Variants in COL16A1 observed in about 807,000 individuals in gnomAD.
The protein encoded by COL16A1 is collagen alpha-1(XVI) chain.
In COL16A1, 189 loss-of-function variants were observed where a neutral mutation model predicts 266.3. That is an observed-to-expected ratio of 0.71 (90% CI 0.63 to 0.80). The LOEUF is 0.80. Among genes scored for constraint, COL16A1 ranks in the 30% least tolerant of loss-of-function variants. The pLI is 0.00. For missense variants in COL16A1, 1,928 were observed against 2,122.4 expected (o/e 0.91, Z 1.80); for synonymous variants, 740 against 782.3 (o/e 0.95, Z 0.90).
rs2148678059 is a variant in COL16A1, at chr1:31,664,352, G to A, written c.3555+820C>T. Among the ~76,000 whole-genome samples, 1 of 152,258 alleles carries A rather than the reference G, an allele frequency of 6.6e-6. No individual in the cohort carries two copies. The highest frequency in any genetic ancestry group is 6.5e-5 in the Admixed American group (1 of 15,300). On this transcript the variant is annotated intron_variant, in intron 56 of 70. Coordinates refer to ENST00000373672, the MANE Select transcript of COL16A1 (RefSeq NM_001856.4). The surrounding 1 kb of genome is among the most constrained non-coding windows in gnomAD (Gnocchi z 5.5). ...CTGGGCTGCCCCAAGCCTTGTGGGT[G>A]TCAGTTTCCTCACCTGCACAGTGAG... is the stretch of plus-strand genomic sequence containing the variant.
rs755937798 is a variant in COL16A1 at position 31,691,646 on chromosome 1, T to TGG, written c.1258-6_1258-5dup. 6.2e-7 allele frequency: 1 copy of TGG among 1,612,964 alleles called. No individual in the cohort carries two copies. The highest frequency in any genetic ancestry group is 1.3e-5 in the African/African-American group (1 of 74,854). On this transcript the variant is annotated splice_polypyrimidine_tract_variant and splice_region_variant and intron_variant, in intron 17 of 70. Transcript: ENST00000373672. ...CACAGATCTCTCCTGGCCGGCCCTG[T>TGG]GGGGGGATAAGGGGGAGGGTGTACA...
At chr1:31,694,939 G>A (rs1057464215) in intron 11 of COL16A1, among the ~76,000 whole-genome samples, 1 of 152,196 alleles carries the variant, frequency 6.6e-6, no homozygotes, top group Non-Finnish European at 1.5e-5. Context: ...CCACCATCCC[G>A]TGCCCATGCC....
At position 31,692,488 on chromosome 1, in the gene COL16A1, A is replaced by G. The variant is rs1644316416; in HGVS notation, c.1180T>C (p.Ser394Pro). ...AGGCTTGTTACCTTCTCGCCTGTTG[A>G]GCCTGGGAGTCCTGAGGGTCCCTGA... ...GALGPSGLPG[S>P]TGEKGQKGEK... The change falls in exon 16 of 71, where the codon TCA becomes CCA. Residue 394 changes from serine (S) to proline (P), a missense_variant. Around this residue, in one of 2 missense-constraint regions of COL16A1, gnomAD observed 1,552 missense variants for 1,637.2 expected, o/e 0.95. Coordinates refer to ENST00000373672, the MANE Select transcript of COL16A1 (RefSeq NM_001856.4). 1 of 1,613,356 alleles carries G rather than the reference A, an allele frequency of 6.2e-7. No individual in the cohort carries two copies. The highest frequency in any genetic ancestry group is 1.3e-5 in the African/African-American group (1 of 74,852).
At chr1:31,677,208 C>T (rs1475568762) in intron 42 of COL16A1, among the ~76,000 whole-genome samples, 3 of 152,346 alleles carry the variant, frequency 2.0e-5, no homozygotes, top group African/African-American at 7.2e-5. Flanking sequence ...GCCTCAGCCT[C>T]CTGAGTAGCT....
At chr1:31,679,007 C>T (rs1643406061) in intron 42 of COL16A1, among the ~76,000 whole-genome samples, 1 of 152,342 alleles carries the variant, frequency 6.6e-6, no homozygotes, top group Non-Finnish European at 1.5e-5. Flanking sequence ...CAAAGGCTAT[C>T]CCTCACAGCT....
At chr1:31,681,839 C>T (rs1474235410) in intron 37 of COL16A1, among the ~76,000 whole-genome samples, 1 of 152,210 alleles carries the variant, frequency 6.6e-6, no homozygotes, top group Non-Finnish European at 1.5e-5. Context: ...CCTGGGGCTC[C>T]CTGGGACAGG....
chr1:31,680,232 G>A, intron 39 of COL16A1, 131 bp from the exon 40 acceptor site: 11 of 1,343,356 alleles, frequency 8.2e-6, no homozygotes, highest in Non-Finnish European at 1.0e-5. Flanking sequence ...CTCTTCTAAT[G>A]TGCCCTTAGG....
At chr1:31,655,524 G>C (rs757769410) in intron 66 of COL16A1, 22 bp from the exon 67 acceptor site, 4 of 1,611,490 alleles carry the variant, frequency 2.5e-6, no homozygotes, top group Non-Finnish European at 3.4e-6. Context: ...GATACTTAGT[G>C]CTGTCAAATT....
intron 44 of COL16A1, among the ~76,000 whole-genome samples, chr1:31,674,097 G>A (rs1642970857): frequency 6.6e-6 from 1 of 152,178 alleles, no homozygotes; most frequent in Admixed American, 6.5e-5. Context: ...TCCTCTGGCT[G>A]CTTCTGGAGA....
At chr1:31,666,409 C>G (rs919614341) in intron 52 of COL16A1, 2 of 350,002 alleles carry the variant, frequency 5.7e-6, no homozygotes, top group Non-Finnish European at 5.2e-6. Context: ...GGGGCGCACA[C>G]TTTCCACCAA....
In COL16A1 at chr1:31,702,025, G is replaced by A. The variant is rs577495876; in HGVS notation, c.73+96C>T. ...TAGACTCTGCTATAACTGCCCACAC[G>A]ACCACACATACATGGTCACATATGT... On this transcript the variant is annotated intron_variant, in intron 2 of 70. Transcript: ENST00000373672. 5.0e-6 allele frequency: 8 copies of A among 1,585,538 alleles called. No homozygotes were observed. The Admixed American group carries it at 5.0e-5, about 10-fold the overall frequency.
In COL16A1 at chr1:31,660,325, C is replaced by T. The variant is rs1641540690; in HGVS notation, c.3879+260G>A. On this transcript the variant is annotated intron_variant, in intron 62 of 70. Transcript: ENST00000373672. ...CCCAATCCAGCTCATCAGCAAGTCC[C>T]CCAAGCCTGGCATGGCACAGGGGCT... is the stretch of plus-strand genomic sequence containing the variant. Among the ~76,000 whole-genome samples the T allele has an allele frequency of 3.3e-5, 5 of 152,210 alleles. No individual in the cohort carries two copies. In the South Asian group the frequency reaches 1.0e-3, roughly 32 times the overall value.
chr1:31,697,374 A>C lies in COL16A1; in HGVS notation c.658-74T>G. 1 of 1,430,304 alleles carries C rather than the reference A, an allele frequency of 7.0e-7. No homozygotes were observed. The highest frequency in any genetic ancestry group is 2.0e-5 in the Admixed American group (1 of 49,310). The allele number at this position is 1,430,304 out of a possible 1,614,324, so 88.6% of individuals were successfully genotyped here. ...TGTGTCCTGGCCCCCCAGGAGGCAC[A>C]GAGATGTCTCTGCCCCAGGATGTGA... On this transcript the variant is annotated intron_variant, in intron 6 of 70. Coordinates refer to ENST00000373672, the MANE Select transcript of COL16A1 (RefSeq NM_001856.4). The surrounding 1 kb of genome is among the most constrained non-coding windows in gnomAD (Gnocchi z 4.2).
chr1:31,674,981 C>T, intron 44 of COL16A1, 26 bp downstream of exon 44: 2 of 1,610,054 alleles, frequency 1.2e-6, no homozygotes, highest in Non-Finnish European at 1.7e-6. Flanking sequence ...CGCCAGCTCA[C>T]ACTTCCCTCC....
chr1:31,691,050 C>G (rs562723398), intron 20 of COL16A1, 138 bp downstream of exon 20: 1 of 1,396,120 alleles, frequency 7.2e-7, no homozygotes, highest in Non-Finnish European at 9.7e-7. Context: ...CTGGCCAAGC[C>G]GAGCCCAGCC....
intron 1 of COL16A1, among the ~76,000 whole-genome samples, chr1:31,703,046 A>G (rs957878647): frequency 6.6e-6 from 1 of 152,196 alleles, no homozygotes; most frequent in African/African-American, 2.4e-5. Flanking sequence ...TCAGCACAGC[A>G]CATGCAGATG....
intron 42 of COL16A1, chr1:31,679,327 C>A: frequency 7.6e-7 from 1 of 1,312,306 alleles, no homozygotes; most frequent in Non-Finnish European, 1.0e-6. Flanking sequence ...GTGTTGAATG[C>A]TACTCCAAAA....
chr1:31,698,311 G>A lies in COL16A1; in HGVS notation c.391-139C>T. On this transcript the variant is annotated intron_variant, in intron 5 of 70. Coordinates refer to ENST00000373672, the MANE Select transcript of COL16A1 (RefSeq NM_001856.4). This position sits in a 1 kb window ranked among gnomAD's most constrained non-coding sequence, Gnocchi z 4.1. ...GAGAAGAAAGCCGGCTGGGGTCAAG[G>A]AGCTATACATCCTGAAAGAATGAGG... The A allele has an allele frequency of 1.3e-6, 2 of 1,535,426 alleles. No homozygotes were observed. The highest frequency in any genetic ancestry group is 1.8e-6 in the Non-Finnish European group (2 of 1,142,530).
rs1319830137 is a variant in COL16A1 at position 31,679,680 on chromosome 1, T to C, written c.2724A>G (p.Pro908=). The C allele has an allele frequency of 6.2e-7, 1 of 1,614,008 alleles. No homozygotes were observed. The change falls in exon 42 of 71, where the codon CCA becomes CCG. Residue 908 remains proline (P), a synonymous_variant. Coordinates refer to ENST00000373672, the MANE Select transcript of COL16A1 (RefSeq NM_001856.4). ...GSSWQPGPQG[P]PGIPGPPGPP... ...GGCCTGGTGGTCCGGGAATACCTGG[T>C]GGACCCTGAGGGAGAGAGAAAAGAG... is the stretch of plus-strand genomic sequence containing the variant.
Sources: gnomAD v4.1 joint callset for allele counts (sites outside exome capture counted in the v4.1 genomes callset) on GRCh38, gnomAD v4.1.1 for gene constraint, gnomAD v4.1.1 regional missense constraint, Gnocchi (gnomAD v3.1) non-coding constraint, MANE v1.5 for transcripts, NCBI Gene and HGNC (gene_info 2026-07-23, HGNC 2026-07-21) for gene names.